The following HIPK2 variants were observed in gnomAD, a reference collection of about 807,000 sequenced individuals.
HIPK2 encodes the protein homeodomain-interacting protein kinase 2.
A neutral mutation model predicts 113.7 loss-of-function variants in HIPK2; 27 were observed. The observed-to-expected ratio is 0.24, with a 90% CI of 0.17 to 0.33. HIPK2 has a LOEUF of 0.33. Among genes scored for constraint, HIPK2 ranks in the 10% least tolerant of loss-of-function variants. HIPK2 has a pLI of 1.00. For synonymous variants in HIPK2, 631 were observed against 642.2 expected (o/e 0.98, Z 0.26); for missense variants, 1,257 against 1,588.0 (o/e 0.79, Z 3.54).
At chr7:139,595,437 A>G (rs902392317) in intron 12 of HIPK2, among the ~76,000 whole-genome samples, 2 of 152,222 alleles carry the variant, frequency 1.3e-5, no homozygotes, top group Non-Finnish European at 2.9e-5. Flanking sequence ...TTTCTGGACT[A>G]GGCAGATGGG....
rs114318213 is a variant in HIPK2, at chr7:139,717,260, C to T, written c.20-245G>A. On this transcript the variant is annotated intron_variant, in intron 1 of 14. Coordinates refer to ENST00000406875, the MANE Select transcript of HIPK2 (RefSeq NM_022740.5). Reference sequence around the variant, plus strand: ...AGGTGCCAGCAACACAGCTGAGACTCAGAAACAGAATTCCAATATCAGGAC... The same window carrying T: ...AGGTGCCAGCAACACAGCTGAGACTTAGAAACAGAATTCCAATATCAGGAC... 3.3e-3 allele frequency among the ~76,000 whole-genome samples: 505 copies of T among 152,320 alleles called. 5 individuals are homozygous for T. The highest frequency in any genetic ancestry group is 0.01 in the African/African-American group (428 of 41,566).
At chr7:139,667,852 C>T (rs1031364603) in intron 2 of HIPK2, among the ~76,000 whole-genome samples, 3 of 152,042 alleles carry the variant, frequency 2.0e-5, no homozygotes, top group African/African-American at 2.4e-5. Context: ...TGGCTGGGAG[C>T]GGTGGCTCGC....
At position 139,570,709 on chromosome 7, in the gene HIPK2, G is replaced by A. The variant is rs948987311; in HGVS notation, c.*2218C>T. The A allele has an allele frequency of 1.0e-4, 16 of 152,424 alleles. No homozygotes were observed. Among genetic ancestry groups the A allele is most frequent in the African/African-American group, 3.9e-4 (16 of 41,422 alleles). The allele number at this position is 152,424 out of a possible 1,614,324, so 9.4% of individuals were successfully genotyped here. A position where few individuals can be genotyped will look rare whatever the true frequency, so the allele number is the denominator to read the frequency against. ...ACACCTTTCACAGTAGATCCTTGAG[G>A]GAGACTGCACAGTGAGGAAGTAAAG... On this transcript the variant is annotated 3_prime_UTR_variant, in exon 15 of 15. Transcript: ENST00000406875.
Position 139,711,185 on chromosome 7 carries a change from T to C in HIPK2, c.1103+4747A>G, listed in dbSNP as rs1355620048. 2.6e-5 allele frequency among the ~76,000 whole-genome samples: 4 copies of C among 151,918 alleles called. No individual in the cohort carries two copies. The South Asian group carries it at 6.2e-4, about 24-fold the overall frequency. ...GCTCACGCCTGTAATCCCAGCACTTTGGGAGGCCAAGGCAGGCGGATCACA... is the reference window on the plus strand; with the variant it reads ...GCTCACGCCTGTAATCCCAGCACTTCGGGAGGCCAAGGCAGGCGGATCACA... On this transcript the variant is annotated intron_variant, in intron 2 of 14. Transcript: ENST00000406875.
chr7:139,749,597 C>T (rs1796246515), intron 1 of HIPK2, among the ~76,000 whole-genome samples: 2 of 152,184 alleles, frequency 1.3e-5, no homozygotes, highest in Admixed American at 6.5e-5. Flanking sequence ...GCGTGGATGA[C>T]GTGTTCACGG....
intron 2 of HIPK2, among the ~76,000 whole-genome samples, chr7:139,669,344 T>C (rs925207119): frequency 6.6e-6 from 1 of 152,150 alleles, no homozygotes; most frequent in East Asian, 1.9e-4. Context: ...AACACCCAAA[T>C]AGGGAGATAA....
chr7:139,750,156 A>T (rs1796256943), intron 1 of HIPK2, among the ~76,000 whole-genome samples: 1 of 152,250 alleles, frequency 6.6e-6, no homozygotes, highest in Non-Finnish European at 1.5e-5. Flanking sequence ...GTCCCTGGGT[A>T]AATGGTGGTG....
chr7:139,728,330 A>G (rs1795650902), intron 1 of HIPK2, among the ~76,000 whole-genome samples: 1 of 152,206 alleles, frequency 6.6e-6, no homozygotes, highest in Non-Finnish European at 1.5e-5. Flanking sequence ...CCAAAGCACC[A>G]CTGACTGGGC....
intron 13 of HIPK2, among the ~76,000 whole-genome samples, chr7:139,576,664 T>A (rs1211903087): frequency 6.6e-6 from 1 of 151,940 alleles, no homozygotes; most frequent in East Asian, 1.9e-4. Context: ...GCTGAGAGCG[T>A]GAATAAGGAG....
intron 10 of HIPK2, 130 bp downstream of exon 10, chr7:139,603,951 T>C (rs1432786853): frequency 1.1e-5 from 13 of 1,222,450 alleles, no homozygotes; most frequent in African/African-American, 1.5e-5. Context: ...ACAATATTTT[T>C]AGAAGCTTTA....
At position 139,614,476 on chromosome 7, in the gene HIPK2, A is replaced by T. The variant is rs781391926; in HGVS notation, c.1800T>A (p.Ser600Arg). ...CGGGATTGGCTAAGGAAATAGTGGC[A>T]CTGGTAGAGGAGGGAGCCTAAAGGA... is the stretch of plus-strand genomic sequence containing the variant. ...TVHNQAPSST[S>R]ATISLANPEV... The change falls in exon 8 of 15, where the codon AGT becomes AGA. Residue 600 changes from serine to arginine, a missense_variant. This residue lies in a region of HIPK2 where 862 missense variants were observed against 1,004.3 expected (regional missense o/e 0.86). Coordinates refer to ENST00000406875, the MANE Select transcript of HIPK2 (RefSeq NM_022740.5). 10 of 1,438,568 alleles carry T rather than the reference A, an allele frequency of 7.0e-6. No homozygotes were observed. 89.1% of individuals were successfully genotyped at this position (1,438,568 alleles called of 1,614,324 possible).
chr7:139,722,790 T>C (rs1032940696), intron 1 of HIPK2, among the ~76,000 whole-genome samples: 8 of 152,060 alleles, frequency 5.3e-5, no homozygotes, highest in East Asian at 1.9e-4. Context: ...TGGGAAGTCA[T>C]GTGATGGGTT....
intron 1 of HIPK2, among the ~76,000 whole-genome samples, chr7:139,733,490 A>G (rs1276230125): frequency 6.6e-6 from 1 of 152,198 alleles, no homozygotes; most frequent in African/African-American, 2.4e-5. Flanking sequence ...TCTACTGTAT[A>G]AACAATGATC....
At chr7:139,644,235 C>A (rs1390320036) in intron 2 of HIPK2, among the ~76,000 whole-genome samples, 2 of 152,022 alleles carry the variant, frequency 1.3e-5, no homozygotes, top group Non-Finnish European at 2.9e-5. Flanking sequence ...TATACCTTAA[C>A]AACTTATTGG....
At chr7:139,724,625 C>T (rs967127134) in intron 1 of HIPK2, among the ~76,000 whole-genome samples, 2 of 151,516 alleles carry the variant, frequency 1.3e-5, no homozygotes, top group Non-Finnish European at 1.5e-5. Context: ...TGGTGTGCTG[C>T]ACCCATTAAC....
chr7:139,719,291 G>A (rs1795339482), intron 1 of HIPK2, among the ~76,000 whole-genome samples: 1 of 152,040 alleles, frequency 6.6e-6, no homozygotes, highest in Non-Finnish European at 1.5e-5. Context: ...ATTTTTAGTA[G>A]AGACGGGGTT....
chr7:139,649,905 G>A (rs548907395), intron 2 of HIPK2, among the ~76,000 whole-genome samples: 5 of 152,280 alleles, frequency 3.3e-5, no homozygotes, highest in Admixed American at 2.0e-4. Flanking sequence ...AGCAGCAAGC[G>A]AAAGGGTTCC....
intron 1 of HIPK2, among the ~76,000 whole-genome samples, chr7:139,771,682 C>T (rs1014695909): frequency 6.6e-6 from 1 of 152,018 alleles, no homozygotes; most frequent in Non-Finnish European, 1.5e-5. Flanking sequence ...CTCTTATATG[C>T]GGTACTAATG....
chr7:139,577,140 C>CTTTTTTTTTTTTT (rs966966045), intron 13 of HIPK2, among the ~76,000 whole-genome samples: 2 of 91,432 alleles, frequency 2.2e-5, no homozygotes, highest in Non-Finnish European at 4.2e-5. Context: ...ACTGGGCTTC[C>CTTTTTTTTTTTTT]TTTTTTTTTT....
Sources: gnomAD v4.1 joint callset for allele counts (sites outside exome capture counted in the v4.1 genomes callset) on GRCh38, gnomAD v4.1.1 for gene constraint, gnomAD v4.1.1 regional missense constraint, MANE v1.5 for transcripts, NCBI Gene and HGNC (gene_info 2026-07-23, HGNC 2026-07-21) for gene names.